GLIS3: variants seen among roughly 807,000 people sequenced by gnomAD.
GLIS3 encodes the protein zinc finger protein GLIS3.
A neutral mutation model predicts 78.6 loss-of-function variants in GLIS3; 53 were observed. The observed-to-expected ratio is 0.67, with a 90% CI of 0.54 to 0.85. The LOEUF (loss-of-function observed/expected upper bound fraction) is 0.85, where lower values mean the gene tolerates loss of function less well. Ranked by LOEUF, GLIS3 falls within the 40% of genes least tolerant of loss-of-function variation. The pLI is 0.00. For synonymous variants in GLIS3, 684 were observed against 509.9 expected (o/e 1.34, Z -4.60); for missense variants, 1,703 against 1,231.1 (o/e 1.38, Z -5.74).
chr9:4,458,414 A>G, the GLIS3 span, among the ~76,000 whole-genome samples: 4 of 152,148 alleles, frequency 2.6e-5, no homozygotes, highest in East Asian at 1.9e-4. Context: ...ATTGCTATGG[A>G]AAAAATAACC....
At chr9:3,831,251 G>T (rs531715111) in intron 9 of GLIS3, among the ~76,000 whole-genome samples, 2 of 152,266 alleles carry the variant, frequency 1.3e-5, no homozygotes, top group East Asian at 3.9e-4. Context: ...AGAAAGAATG[G>T]AAAGCTATTG....
chr9:4,290,034 G>C (rs1002609717), intron 1 of GLIS3, among the ~76,000 whole-genome samples: 8 of 151,982 alleles, frequency 5.3e-5, no homozygotes, highest in Non-Finnish European at 1.0e-4. Context: ...TGGATTAAAA[G>C]ATTAAACAAA....
chr9:4,464,540 G>A, the GLIS3 span, among the ~76,000 whole-genome samples: 1 of 151,876 alleles, frequency 6.6e-6, no homozygotes, highest in Non-Finnish European at 1.5e-5. Flanking sequence ...GATTACAAGT[G>A]CCCACCACAA....
chr9:3,876,784 T>C (rs1032229953), intron 8 of GLIS3, among the ~76,000 whole-genome samples: 2 of 148,816 alleles, frequency 1.3e-5, no homozygotes, highest in African/African-American at 5.0e-5. Context: ...GTACTATTCT[T>C]GCCATTCTTT....
At chr9:4,232,405 AAG>A (rs1554628671) in intron 2 of GLIS3, among the ~76,000 whole-genome samples, 2 of 150,138 alleles carry the variant, frequency 1.3e-5, no homozygotes, top group Non-Finnish European at 3.0e-5. Context: ...AAAAAAAGAA[AAG>A]AAAAAAAAAG....
At chr9:4,281,073 C>A (rs902567731) in intron 2 of GLIS3, among the ~76,000 whole-genome samples, 1 of 152,064 alleles carries the variant, frequency 6.6e-6, no homozygotes, top group Non-Finnish European at 1.5e-5. Context: ...GTACTAACAG[C>A]TTATTAGTCG....
intron 6 of GLIS3, among the ~76,000 whole-genome samples, chr9:3,904,513 C>T (rs1283631169): frequency 1.3e-5 from 2 of 152,110 alleles, no homozygotes; most frequent in East Asian, 1.9e-4. Flanking sequence ...CTTGGTGAGT[C>T]TCTTTTTCTG....
chr9:4,172,909 G>A (rs190402213), intron 2 of GLIS3, among the ~76,000 whole-genome samples: 116 of 152,272 alleles, frequency 7.6e-4, no homozygotes, highest in Non-Finnish European at 1.3e-3. Context: ...TATCATGTAG[G>A]GAAGCAGGCC....
In GLIS3 at chr9:4,188,615, C is replaced by A. The variant is rs554776008; in HGVS notation, c.389-62674G>T. On this transcript the variant is annotated intron_variant, in intron 2 of 10. Coordinates refer to ENST00000381971, the MANE Select transcript of GLIS3 (RefSeq NM_001042413.2). The stretch of plus-strand genomic sequence containing the variant: ...CCTCTGGTAGAATTCAGCTGTGAAT[C>A]CATCTGGTCCTGGACTCTTTTTGGT... Among the ~76,000 whole-genome samples, 34 of 152,258 alleles carry A rather than the reference C, an allele frequency of 2.2e-4. No individual in the cohort carries two copies. The East Asian group carries it at 6.2e-3, about 28-fold the overall frequency.
the GLIS3 span, among the ~76,000 whole-genome samples, chr9:4,382,088 T>C: frequency 2.1e-4 from 32 of 152,202 alleles, no homozygotes; most frequent in Admixed American, 6.5e-5. Flanking sequence ...CCCTTTTCCC[T>C]TTTTGCTTCT....
intron 2 of GLIS3, among the ~76,000 whole-genome samples, chr9:4,327,622 C>A (rs1231416662): frequency 6.6e-6 from 1 of 152,114 alleles, no homozygotes; most frequent in South Asian, 2.1e-4. Context: ...TGAAGCTGGC[C>A]GGAAAGGACC....
At chr9:4,459,447 T>C in the GLIS3 span, among the ~76,000 whole-genome samples, 1 of 152,088 alleles carries the variant, frequency 6.6e-6, no homozygotes, top group African/African-American at 2.4e-5. Flanking sequence ...ACGAGAGTGG[T>C]ATCCCAGAAA....
At chr9:4,310,562 C>G (rs1357251879) in intron 2 of GLIS3, 1 of 152,218 alleles carries the variant, frequency 6.6e-6, no homozygotes, top group East Asian at 1.9e-4. Context: ...GTTTCAGTGC[C>G]GAATCACATT....
intron 2 of GLIS3, among the ~76,000 whole-genome samples, chr9:4,224,379 T>C (rs1328034734): frequency 1.3e-5 from 2 of 152,228 alleles, no homozygotes; most frequent in African/African-American, 4.8e-5. Context: ...GGTGACAGCT[T>C]CCAAAGGTGT....
chr9:3,976,176 A>C (rs1271468036), intron 4 of GLIS3, among the ~76,000 whole-genome samples: 1 of 152,158 alleles, frequency 6.6e-6, no homozygotes, highest in Admixed American at 6.6e-5. Flanking sequence ...TGTACTATTT[A>C]AAGGGAAATG....
the GLIS3 span, among the ~76,000 whole-genome samples, chr9:4,423,886 A>G: frequency 1.3e-5 from 2 of 152,208 alleles, no homozygotes; most frequent in Non-Finnish European, 1.5e-5. Context: ...AAACATTGCT[A>G]AACTTTAATC....
chr9:4,436,620 C>T, the GLIS3 span, among the ~76,000 whole-genome samples: 2 of 151,950 alleles, frequency 1.3e-5, no homozygotes, highest in Non-Finnish European at 2.9e-5. Flanking sequence ...GCCTAGCCAA[C>T]ATGATGAAAT....
chr9:4,101,208 C>T (rs556921014), intron 4 of GLIS3, among the ~76,000 whole-genome samples: 1 of 152,294 alleles, frequency 6.6e-6, no homozygotes, highest in African/African-American at 2.4e-5. Context: ...TTGCAACCAT[C>T]TTTTCTACTG....
At chr9:4,152,836 A>G (rs1392167808) in intron 2 of GLIS3, among the ~76,000 whole-genome samples, 2 of 152,260 alleles carry the variant, frequency 1.3e-5, no homozygotes, top group Non-Finnish European at 2.9e-5. Flanking sequence ...TAATATGAAG[A>G]AAACTACCTG....
Sources: gnomAD v4.1 joint callset for allele counts (sites outside exome capture counted in the v4.1 genomes callset) on GRCh38, gnomAD v4.1.1 for gene constraint, MANE v1.5 for transcripts, NCBI Gene and HGNC (gene_info 2026-07-23, HGNC 2026-07-21) for gene names.